GIPC1: variants seen among roughly 807,000 people sequenced by gnomAD.
GIPC1 encodes the protein PDZ domain-containing protein GIPC1.
A neutral mutation model predicts 28.5 loss-of-function variants in GIPC1; 15 were observed. That is an observed-to-expected ratio of 0.53 (90% CI 0.35 to 0.81). GIPC1 has a LOEUF of 0.81. Ranked by LOEUF, GIPC1 falls within the 30% of genes least tolerant of loss-of-function variation. The probability of loss-of-function intolerance (pLI) is 0.01; values close to 1 mark genes in which losing one functional copy is unlikely to be tolerated. For missense variants in GIPC1, 439 were observed against 481.9 expected, an observed-to-expected ratio of 0.91 and a Z score of 0.83; for synonymous variants, 224 against 206.1, an observed-to-expected ratio of 1.09 and a Z score of -0.74.
In GIPC1 at chr19:14,478,803, A is replaced by G. The variant is rs2071661033; in HGVS notation, c.769-38T>C. 1 of 1,399,432 alleles carries G rather than the reference A, an allele frequency of 7.1e-7. No homozygotes were observed. Among genetic ancestry groups the G allele is most frequent in the Non-Finnish European group, 1.0e-6 (1 of 984,310 alleles). 86.7% of individuals were successfully genotyped at this position (1,399,432 alleles called of 1,614,324 possible). On this transcript the variant is annotated intron_variant, in intron 7 of 8. Transcript: ENST00000393033. This position sits in a 1 kb window ranked among gnomAD's most constrained non-coding sequence, Gnocchi z 5.2. Reference sequence around the variant, plus strand: ...GAGGGGTGACAGCGACATCATAACAATGTGAATATACATAGTAATTGGACG... The same window carrying G: ...GAGGGGTGACAGCGACATCATAACAGTGTGAATATACATAGTAATTGGACG...
chr19:14,493,308 A>G (rs923910451), intron 1 of GIPC1, among the ~76,000 whole-genome samples: 1 of 152,240 alleles, frequency 6.6e-6, no homozygotes. Flanking sequence ...GAAACTTTAC[A>G]ACAGTTTCCC....
At chr19:14,489,388 A>G (rs1027901363) in intron 3 of GIPC1, 4 of 788,508 alleles carry the variant, frequency 5.1e-6, no homozygotes, top group Non-Finnish European at 7.0e-6. Flanking sequence ...AGTATACACC[A>G]TGAGCAAAGC....
At chr19:14,489,707 T>C (rs2071924720) in intron 3 of GIPC1, 2 of 732,180 alleles carry the variant, frequency 2.7e-6, no homozygotes, top group Non-Finnish European at 5.0e-6. Context: ...TACATTTTCA[T>C]ATTAGACTTT....
At chr19:14,494,899 C>G (rs549601634) in intron 1 of GIPC1, among the ~76,000 whole-genome samples, 2 of 152,274 alleles carry the variant, frequency 1.3e-5, no homozygotes, top group African/African-American at 4.8e-5. Flanking sequence ...TGAAACTTAG[C>G]AACCCCACGG....
chr19:14,480,221 C>T, intron 6 of GIPC1, 84 bp downstream of exon 6: 1 of 1,211,882 alleles, frequency 8.3e-7, no homozygotes, highest in East Asian at 2.4e-5. Context: ...CAGGCTTGGG[C>T]GCCACCTGCT....
chr19:14,492,680 C>T (rs1246839590), intron 2 of GIPC1, among the ~76,000 whole-genome samples, 177 bp downstream of exon 2: 1 of 152,198 alleles, frequency 6.6e-6, no homozygotes, highest in African/African-American at 2.4e-5. Context: ...CACCAATTCC[C>T]AGCCTCCTTA....
intron 7 of GIPC1, among the ~76,000 whole-genome samples, chr19:14,479,127 C>G (rs2071666683): frequency 6.6e-6 from 1 of 152,142 alleles, no homozygotes; most frequent in African/African-American, 2.4e-5. Context: ...GCTGGATCAC[C>G]TGATGTCAGG....
chr19:14,491,066 T>G (rs1187727478), intron 3 of GIPC1, among the ~76,000 whole-genome samples: 1 of 151,802 alleles, frequency 6.6e-6, no homozygotes, highest in Non-Finnish European at 1.5e-5. Context: ...TCCCAACACT[T>G]TGGGAGGCCG....
intron 3 of GIPC1, among the ~76,000 whole-genome samples, chr19:14,490,173 G>A (rs1032802517): frequency 6.6e-6 from 1 of 151,688 alleles, no homozygotes; most frequent in Non-Finnish European, 1.5e-5. Flanking sequence ...AGACCAGCCT[G>A]GCCAACATGG....
intron 3 of GIPC1, chr19:14,483,486 C>G (rs1351910640): frequency 6.5e-6 from 1 of 152,760 alleles, no homozygotes; most frequent in African/African-American, 2.4e-5. Context: ...AAAAAGCTCA[C>G]ACCTGTAATC....
intron 3 of GIPC1, among the ~76,000 whole-genome samples, chr19:14,488,854 TG>T (rs1443146817): frequency 1.4e-5 from 2 of 143,034 alleles, no homozygotes; most frequent in Non-Finnish European, 3.0e-5. Flanking sequence ...TGAGGAGGCC[TG>T]GGGGGTTGGA....
At chr19:14,480,241 C>G in intron 6 of GIPC1, 64 bp downstream of exon 6, 2 of 1,447,270 alleles carry the variant, frequency 1.4e-6, no homozygotes, top group Non-Finnish European at 1.9e-6. Flanking sequence ...TGGCCGCTCC[C>G]GGCACCACCG....
intron 4 of GIPC1, 76 bp downstream of exon 4, chr19:14,482,613 A>G: frequency 7.1e-7 from 1 of 1,399,996 alleles, no homozygotes. Context: ...TCTGAGCCCC[A>G]GCTCATGAAC....
intron 3 of GIPC1, among the ~76,000 whole-genome samples, chr19:14,484,899 C>T (rs976157338): frequency 6.6e-6 from 1 of 151,980 alleles, no homozygotes; most frequent in African/African-American, 2.4e-5. Context: ...ATAGTGCCCG[C>T]CTGTAATCCC....
intron 3 of GIPC1, chr19:14,489,740 A>G (rs986094980): frequency 7.5e-6 from 5 of 666,508 alleles, no homozygotes; most frequent in Non-Finnish European, 1.4e-5. Flanking sequence ...CTTTTGTAAT[A>G]GTCAAAAATG....
rs34048955 is a variant in GIPC1, at chr19:14,487,685, C to CT, written c.-31+3970dup. On this transcript the variant is annotated intron_variant, in intron 3 of 8. Coordinates refer to ENST00000393033, the MANE Select transcript of GIPC1 (RefSeq NM_005716.4). The stretch of plus-strand genomic sequence containing the variant: ...AATATAAATTTTTTCCTTTATTTTC[C>CT]TTTTTTTTTTTGACAGAGTCTTGCT... Among the ~76,000 whole-genome samples the CT allele has an allele frequency of 1.5e-3, 200 of 130,448 alleles. 6 individuals are homozygous for CT. The highest frequency in any genetic ancestry group is 3.1e-3 in the African/African-American group (102 of 32,794). 85.6% of individuals were successfully genotyped at this position (130,448 alleles called of 152,430 possible).
chr19:14,486,275 G>A (rs1399703217), intron 3 of GIPC1, among the ~76,000 whole-genome samples: 1 of 152,206 alleles, frequency 6.6e-6, no homozygotes, highest in South Asian at 2.1e-4. Flanking sequence ...GAGGCTGAAA[G>A]CGACTACGCT....
At chr19:14,485,702 T>TATATATATAGAGAGAGAG (rs1300117748) in intron 3 of GIPC1, among the ~76,000 whole-genome samples, 23 of 58,784 alleles carry the variant, frequency 3.9e-4, no homozygotes, top group African/African-American at 6.3e-4. Context: ...TATATATATA[T>TATATATATAGAGAGAGAG]AGAGAGAGAG....
chr19:14,485,367 T>C (rs901364854), intron 3 of GIPC1, among the ~76,000 whole-genome samples: 5 of 150,458 alleles, frequency 3.3e-5, no homozygotes, highest in African/African-American at 1.2e-4. Context: ...TTAAATTTTA[T>C]TGTAGGCCTG....
Sources: gnomAD v4.1 joint callset for allele counts (sites outside exome capture counted in the v4.1 genomes callset) on GRCh38, gnomAD v4.1.1 for gene constraint, Gnocchi (gnomAD v3.1) non-coding constraint, MANE v1.5 for transcripts, NCBI Gene and HGNC (gene_info 2026-07-23, HGNC 2026-07-21) for gene names.